The following FAM228B variants were observed in gnomAD, a reference collection of about 807,000 sequenced individuals.
FAM228B encodes the protein protein FAM228B.
Under a neutral mutation model 42.6 loss-of-function variants are expected in FAM228B, and 38 were observed. That is an observed-to-expected ratio of 0.89 (90% CI 0.69 to 1.17). The LOEUF is 1.17. FAM228B is among the 50% of genes most tolerant of loss of function. The probability of loss-of-function intolerance (pLI) is 0.00; values close to 1 mark genes in which losing one functional copy is unlikely to be tolerated. For synonymous variants in FAM228B, 109 were observed against 122.3 expected (o/e 0.89, Z 0.72); for missense variants, 344 against 367.3 (o/e 0.94, Z 0.52).
At chr2:24,143,399 T>C (rs1316096021) in intron 5 of FAM228B, among the ~76,000 whole-genome samples, 8 of 152,178 alleles carry the variant, frequency 5.3e-5, no homozygotes, top group Non-Finnish European at 1.0e-4. Flanking sequence ...TTTCATCGTG[T>C]TAGCCAGGAT....
chr2:24,142,085 G>A (rs983569520), intron 5 of FAM228B, among the ~76,000 whole-genome samples: 1 of 152,110 alleles, frequency 6.6e-6, no homozygotes, highest in African/African-American at 2.4e-5. Flanking sequence ...GGTTCCTGGC[G>A]CCCTGCTCTG....
intron 2 of FAM228B, chr2:24,082,899 A>G: frequency 6.2e-7 from 1 of 1,607,368 alleles, no homozygotes; most frequent in Non-Finnish European, 8.5e-7. Flanking sequence ...AAGATGTAAC[A>G]GCTGGAAGGC....
At chr2:24,121,239 C>T (rs143462327), upstream of FAM228B, 6 of 1,614,062 alleles carry the variant, frequency 3.7e-6, no homozygotes, top group African/African-American at 2.7e-5. Flanking sequence ...TCCTTCTCTT[C>T]GGGCTTGCAA....
chr2:24,084,461 A>C lies in FAM228B; in HGVS notation c.-210+3506A>C. 4 of 1,147,698 alleles carry C rather than the reference A, an allele frequency of 3.5e-6. No homozygotes were observed. The highest frequency in any genetic ancestry group is 4.6e-6 in the Non-Finnish European group (4 of 867,098). The allele number at this position is 1,147,698 out of a possible 1,614,324, so 71.1% of individuals were successfully genotyped here. On this transcript the variant is annotated intron_variant, in intron 2 of 10. Transcript: ENST00000613899. This position sits in a 1 kb window ranked among gnomAD's most constrained non-coding sequence, Gnocchi z 8.4. ...CGGAGCAGCCCAGCCTCAGGCTGGCACCGCAGCGCCCCCTGCCGGCCAGCG... is the reference window on the plus strand; with the variant it reads ...CGGAGCAGCCCAGCCTCAGGCTGGCCCCGCAGCGCCCCCTGCCGGCCAGCG...
chr2:24,092,467 T>TCGGGAGGCGGGG (rs1325750209), intron 2 of FAM228B, among the ~76,000 whole-genome samples: 1 of 148,254 alleles, frequency 6.7e-6, no homozygotes, highest in Non-Finnish European at 1.5e-5. Flanking sequence ...TCCCAGCTAT[T>TCGGGAGGCGGGG]CGGGAGGCGG....
rs1467937722 is a variant in FAM228B, at chr2:24,077,194, G to T, written c.-290+225G>T. 6.6e-6 allele frequency among the ~76,000 whole-genome samples: 1 copy of T among 152,108 alleles called. No individual in the cohort carries two copies. Among genetic ancestry groups the T allele is most frequent in the Admixed American group, 6.5e-5 (1 of 15,280 alleles). On this transcript the variant is annotated intron_variant, in intron 1 of 10. Transcript: ENST00000613899. The surrounding 1 kb of genome is among the most constrained non-coding windows in gnomAD (Gnocchi z 5.5). ...CTGCTGTGGTGCCCACTGGTTGCGG[G>T]GCGCGCGGGCAGGTGCCGGAGGTGG...
Position 24,084,141 on chromosome 2 carries a change from G to C in FAM228B, c.-210+3186G>C. Reference sequence around the variant, plus strand: ...AATGTCCACTGAGTGCTGTTGAGAGGGAGGCTCTGGAGTCCCGCCCGCCCC... The same window carrying C: ...AATGTCCACTGAGTGCTGTTGAGAGCGAGGCTCTGGAGTCCCGCCCGCCCC... On this transcript the variant is annotated intron_variant, in intron 2 of 10. Coordinates refer to the FAM228B transcript ENST00000613899. This position sits in a 1 kb window ranked among gnomAD's most constrained non-coding sequence, Gnocchi z 8.4. 1.3e-6 allele frequency: 2 copies of C among 1,572,588 alleles called. No homozygotes were observed. The highest frequency in any genetic ancestry group is 1.7e-6 in the Non-Finnish European group (2 of 1,163,324).
chr2:24,133,266 A>T (rs2151016956), intron 2 of FAM228B, among the ~76,000 whole-genome samples: 1 of 151,312 alleles, frequency 6.6e-6, no homozygotes, highest in East Asian at 1.9e-4. Context: ...TGTTTTTTAT[A>T]TTTTTTATCT....
chr2:24,109,312 C>T (rs116173997), intron 3 of FAM228B, among the ~76,000 whole-genome samples: 5 of 152,064 alleles, frequency 3.3e-5, no homozygotes, highest in African/African-American at 1.2e-4. Flanking sequence ...GGATTAAAGA[C>T]TTATGTGTAA....
chr2:24,120,459 A>C (rs1290425774), upstream of FAM228B, among the ~76,000 whole-genome samples: 1 of 152,226 alleles, frequency 6.6e-6, no homozygotes, highest in Non-Finnish European at 1.5e-5. Context: ...TTAGTTTATA[A>C]TGTGGATGAA....
intron 5 of FAM228B, 145 bp from the exon 6 acceptor site, chr2:24,146,603 A>G (rs1158884196): frequency 5.5e-6 from 3 of 544,750 alleles, no homozygotes; most frequent in East Asian, 5.8e-5. Flanking sequence ...TTAAATAAAT[A>G]TAATGGTAAG....
Position 24,135,104 on chromosome 2 carries a change from A to G in FAM228B, c.100-15A>G, listed in dbSNP as rs1432004194. The G allele has an allele frequency of 1.6e-5, 23 of 1,449,606 alleles. No individual in the cohort carries two copies. Among genetic ancestry groups the G allele is most frequent in the Non-Finnish European group, 2.1e-5 (22 of 1,066,238 alleles). The allele number at this position is 1,449,606 out of a possible 1,614,324, so 89.8% of individuals were successfully genotyped here. ...TTAAAGATTTTCTTTTCAAAGTTTA[A>G]TTCTGTCCTTTCAGGTTTTAGCTAA... is the stretch of plus-strand genomic sequence containing the variant. On this transcript the variant is annotated splice_polypyrimidine_tract_variant and intron_variant, in intron 2 of 10. Transcript: ENST00000615575.
intron 3 of FAM228B, chr2:24,096,487 C>T (rs994977018): frequency 6.6e-6 from 1 of 152,166 alleles, no homozygotes; most frequent in Non-Finnish European, 1.5e-5. Context: ...GTGACACATG[C>T]ACAACCTTCA....
intron 2 of FAM228B, among the ~76,000 whole-genome samples, chr2:24,124,833 T>A (rs1217264089): frequency 6.6e-6 from 1 of 152,160 alleles, no homozygotes; most frequent in Non-Finnish European, 1.5e-5. Context: ...TAGCTGGAAG[T>A]ATAGGCGCAC....
At chr2:24,164,064 T>TAA in intron 8 of FAM228B, 134 bp from the exon 9 acceptor site, 1 of 809,808 alleles carries the variant, frequency 1.2e-6, no homozygotes, top group African/African-American at 1.8e-5. Context: ...ACAAAAAAAG[T>TAA]AAATACGTTT....
At chr2:24,155,319 A>C (rs1667109657) in intron 7 of FAM228B, among the ~76,000 whole-genome samples, 1 of 151,610 alleles carries the variant, frequency 6.6e-6, no homozygotes, top group African/African-American at 2.4e-5. Context: ...ACTGGTGGTC[A>C]TTAATGTGAT....
rs932478916 is a variant in FAM228B, at chr2:24,124,442, G to C, written c.81G>C (p.Lys27Asn). The change falls in exon 2 of 11, where the codon AAG becomes AAC. Residue 27 changes from lysine (K) to asparagine (N), a missense_variant. By Grantham distance (94) the Lys-to-Asn change is moderately conservative (BLOSUM62 0). Coordinates refer to ENST00000615575, the MANE Select transcript of FAM228B (RefSeq NM_001145710.2). ...GCTCAAAAGAATGGTTGGAGCCCAA[G>C]CCCCTTTGTTTTATGGAGGTATATA... ...LKSSKEWLEP[K>N]PLCFMEVLAK... is the part of the protein sequence containing the mutation. 3 of 1,550,658 alleles carry C rather than the reference G, an allele frequency of 1.9e-6. No individual in the cohort carries two copies. The highest frequency in any genetic ancestry group is 2.6e-6 in the Non-Finnish European group (3 of 1,146,584).
At position 24,147,074 on chromosome 2, in the gene FAM228B, G is replaced by T; in HGVS notation, c.674G>T (p.Cys225Phe). Residue 225 changes from cysteine to phenylalanine, a missense_variant, in exon 7 of 11, where the codon TGT (cysteine) becomes TTT (phenylalanine). Coordinates refer to ENST00000615575, the MANE Select transcript of FAM228B (RefSeq NM_001145710.2). Reference sequence around the variant, plus strand: ...ACAAGATACATAGAAAGTGAATTTTGTAGAAGGAGAAGGTAATGGTTAATA... The same window carrying T: ...ACAAGATACATAGAAAGTGAATTTTTTAGAAGGAGAAGGTAATGGTTAATA... ...LPTRYIESEFCRRRRLKVKVN... is the reference protein window; with the variant it reads ...LPTRYIESEFFRRRRLKVKVN... 2 of 1,550,096 alleles carry T rather than the reference G, an allele frequency of 1.3e-6. No individual in the cohort carries two copies. Among genetic ancestry groups the T allele is most frequent in the Non-Finnish European group, 1.7e-6 (2 of 1,146,114 alleles).
chr2:24,168,038 A>T (rs555015680), intron 10 of FAM228B: 1 of 255,850 alleles, frequency 3.9e-6, no homozygotes, highest in East Asian at 8.1e-5. Context: ...TTCTTCACTT[A>T]GGAACATAGC....
Sources: allele counts gnomAD v4.1 joint callset (sites outside exome capture counted in the v4.1 genomes callset), GRCh38; gene constraint gnomAD v4.1.1; non-coding constraint Gnocchi (gnomAD v3.1); transcripts MANE v1.5; gene names NCBI Gene and HGNC (gene_info 2026-07-23, HGNC 2026-07-21).